SLIT3: variants seen among roughly 807,000 people sequenced by gnomAD.
The protein encoded by SLIT3 is slit homolog 3 protein.
A neutral mutation model predicts 184.0 loss-of-function variants in SLIT3; 68 were observed. That is an observed-to-expected ratio of 0.37 (90% CI 0.30 to 0.45). The LOEUF is 0.45. Among genes scored for constraint, SLIT3 ranks in the 20% least tolerant of loss-of-function variants. The pLI, the probability that SLIT3 is intolerant of heterozygous loss-of-function variation, is 1.00. For missense variants in SLIT3, 1,707 were observed against 2,026.0 expected (o/e 0.84, Z 3.02); for synonymous variants, 831 against 828.6 (o/e 1.00, Z -0.05).
intron 18 of SLIT3, 25 bp from the exon 19 acceptor site, chr5:168,749,660 C>G: frequency 6.2e-7 from 1 of 1,613,314 alleles, no homozygotes; most frequent in Non-Finnish European, 8.5e-7. Context: ...GGGTGCTTAG[C>G]CTCCATCCTT....
chr5:169,091,764 C>T (rs190598141), intron 4 of SLIT3, among the ~76,000 whole-genome samples: 72 of 152,294 alleles, frequency 4.7e-4, no homozygotes, highest in Non-Finnish European at 9.4e-4. Flanking sequence ...AGCCTCGTGG[C>T]GAAGCTGGAC....
intron 25 of SLIT3, among the ~76,000 whole-genome samples, chr5:168,709,645 TGCA>T (rs1226440605): frequency 6.6e-6 from 1 of 152,212 alleles, no homozygotes; most frequent in African/African-American, 2.4e-5. Context: ...TTTTTCTGCT[TGCA>T]GCAGAAGTGT....
chr5:168,913,400 G>A (rs887798263), intron 4 of SLIT3, among the ~76,000 whole-genome samples: 5 of 152,136 alleles, frequency 3.3e-5, no homozygotes, highest in Non-Finnish European at 4.4e-5. Context: ...TAGCTTTTCC[G>A]TAACCCAGCT....
chr5:169,039,159 G>A (rs1757360779), intron 4 of SLIT3, among the ~76,000 whole-genome samples: 1 of 152,040 alleles, frequency 6.6e-6, no homozygotes, highest in Non-Finnish European at 1.5e-5. Flanking sequence ...GGATGGTGTT[G>A]CACACTGGGA....
Position 169,002,571 on chromosome 5 carries a change from G to A in SLIT3, c.414-119235C>T, listed in dbSNP as rs73312262. ...GGGAGCCATTGTGTAGTCTAGAGCA[G>A]GAAAGTCACGTGGAGTGAGTGAGTA... On this transcript the variant is annotated intron_variant, in intron 4 of 35. Coordinates refer to ENST00000519560, the MANE Select transcript of SLIT3 (RefSeq NM_003062.4). Among the ~76,000 whole-genome samples, 418 of 152,200 alleles carry A rather than the reference G, an allele frequency of 2.7e-3. 1 individual carries two copies. The highest frequency in any genetic ancestry group is 0.014 in the Middle Eastern group (4 of 294).
intron 4 of SLIT3, among the ~76,000 whole-genome samples, chr5:169,100,761 C>T (rs144295676): frequency 2.0e-3 from 298 of 152,296 alleles, no homozygotes; most frequent in African/African-American, 6.7e-3. Flanking sequence ...ATTCCAGGCA[C>T]CTCCATCCTC....
intron 14 of SLIT3, among the ~76,000 whole-genome samples, chr5:168,763,942 G>T (rs1172362739): frequency 6.6e-6 from 1 of 152,200 alleles, no homozygotes; most frequent in African/African-American, 2.4e-5. Flanking sequence ...TGCTCCACTA[G>T]GTGAGGCAAC....
intron 4 of SLIT3, among the ~76,000 whole-genome samples, chr5:168,910,619 G>A (rs1378210475): frequency 2.0e-5 from 3 of 151,850 alleles, no homozygotes; most frequent in Non-Finnish European, 2.9e-5. Context: ...GGTGGCAGGC[G>A]CCTGTAGTCC....
intron 35 of SLIT3, among the ~76,000 whole-genome samples, chr5:168,669,368 CCCG>C (rs1761160027): frequency 1.3e-5 from 2 of 152,178 alleles, no homozygotes; most frequent in Non-Finnish European, 2.9e-5. Context: ...ACTGGGACCT[CCCG>C]CCAACACCCA....
At chr5:168,845,555 C>T (rs1445919592) in intron 5 of SLIT3, among the ~76,000 whole-genome samples, 2 of 152,094 alleles carry the variant, frequency 1.3e-5, no homozygotes, top group African/African-American at 2.4e-5. Context: ...TAAAAAGATG[C>T]CTTGACTAAT....
chr5:169,102,041 C>T (rs185683100), intron 4 of SLIT3, among the ~76,000 whole-genome samples: 1 of 152,296 alleles, frequency 6.6e-6, no homozygotes, highest in Admixed American at 6.5e-5. Context: ...AGTGAAGTGA[C>T]CCCTGTCCTA....
intron 4 of SLIT3, among the ~76,000 whole-genome samples, chr5:168,928,529 T>C (rs931170685): frequency 2.0e-5 from 3 of 152,204 alleles, no homozygotes; most frequent in African/African-American, 7.2e-5. Flanking sequence ...GTATGTCGTC[T>C]CTGCCTACCT....
At chr5:168,946,006 T>C (rs1037453340) in intron 4 of SLIT3, among the ~76,000 whole-genome samples, 1 of 152,222 alleles carries the variant, frequency 6.6e-6, no homozygotes, top group African/African-American at 2.4e-5. Flanking sequence ...CCGCACTCTA[T>C]GTACTAAGTT....
chr5:169,260,143 AT>A, intron 1 of SLIT3, among the ~76,000 whole-genome samples: 1 of 152,254 alleles, frequency 6.6e-6, no homozygotes, highest in South Asian at 2.1e-4. Flanking sequence ...CTTAAAAAAA[AT>A]AAACAACTTT....
chr5:168,866,408 A>G lies in SLIT3; in HGVS notation c.485+16857T>C, dbSNP rs1172951135. On this transcript the variant is annotated intron_variant, in intron 5 of 35. Coordinates refer to ENST00000519560, the MANE Select transcript of SLIT3 (RefSeq NM_003062.4). ...ATAATGTGGGACCTCCTTGCCTGACAACATTCTAAGGGATTGACAAATTAA... is the reference window on the plus strand; with the variant it reads ...ATAATGTGGGACCTCCTTGCCTGACGACATTCTAAGGGATTGACAAATTAA... Among the ~76,000 whole-genome samples the G allele has an allele frequency of 2.0e-5, 3 of 152,230 alleles. No homozygotes were observed. In the East Asian group the frequency reaches 5.8e-4, roughly 29 times the overall value.
intron 8 of SLIT3, among the ~76,000 whole-genome samples, chr5:168,814,292 A>G (rs1364759138): frequency 1.3e-5 from 2 of 152,146 alleles, no homozygotes; most frequent in Non-Finnish European, 2.9e-5. Context: ...GCTACTCAGG[A>G]GGCTGAGGCA....
chr5:168,936,423 C>T (rs1025868680), intron 4 of SLIT3, among the ~76,000 whole-genome samples: 12 of 152,094 alleles, frequency 7.9e-5, no homozygotes, highest in Non-Finnish European at 7.4e-5. Flanking sequence ...TTAGTAGAGA[C>T]GGGGTTTCAC....
At chr5:168,809,619 C>T (rs966165632) in intron 8 of SLIT3, among the ~76,000 whole-genome samples, 3 of 152,188 alleles carry the variant, frequency 2.0e-5, no homozygotes, top group Non-Finnish European at 4.4e-5. Context: ...CCTGTCTGGA[C>T]TGAGATTGGA....
intron 4 of SLIT3, among the ~76,000 whole-genome samples, chr5:169,144,085 AC>A (rs1290984540): frequency 6.6e-6 from 1 of 151,670 alleles, no homozygotes; most frequent in African/African-American, 2.4e-5. Flanking sequence ...ACAAGGGAAT[AC>A]CATTTTTATT....
Sources: allele counts gnomAD v4.1 joint callset (sites outside exome capture counted in the v4.1 genomes callset), GRCh38; gene constraint gnomAD v4.1.1; transcripts MANE v1.5; gene names NCBI Gene and HGNC (gene_info 2026-07-23, HGNC 2026-07-21).